TRPA1: variants seen among roughly 807,000 people sequenced by gnomAD.
TRPA1 encodes ankyrin-like with transmembrane domains 1.
A neutral mutation model predicts 131.3 loss-of-function variants in TRPA1; 129 were observed. The ratio of observed to expected loss-of-function variants is 0.98; its 90% CI spans 0.85 to 1.14. The LOEUF is 1.14. Among genes scored for constraint, TRPA1 ranks in the 50% most tolerant of loss-of-function variants. The pLI, the probability that TRPA1 is intolerant of heterozygous loss-of-function variation, is 0.00. For synonymous variants in TRPA1, 441 were observed against 451.7 expected (o/e 0.98, Z 0.30); for missense variants, 1,304 against 1,354.2 (o/e 0.96, Z 0.58).
intron 4 of TRPA1, 53 bp downstream of exon 4, chr8:72,065,398 G>A: frequency 7.6e-7 from 1 of 1,323,998 alleles, no homozygotes; most frequent in Non-Finnish European, 1.1e-6. Flanking sequence ...AATAATCCAT[G>A]TTGTATTCAT....
chr8:72,044,703 T>G (rs571700165), intron 17 of TRPA1, among the ~76,000 whole-genome samples: 1 of 151,964 alleles, frequency 6.6e-6, no homozygotes, highest in Non-Finnish European at 1.5e-5. Flanking sequence ...TGTTCTCTAT[T>G]TGGTGCATCT....
chr8:72,057,858 G>T, intron 8 of TRPA1, 42 bp from the exon 9 acceptor site: 1 of 1,410,232 alleles, frequency 7.1e-7, no homozygotes. Context: ...CTTAGAAACA[G>T]ATAAATCATA....
chr8:72,026,379 G>A (rs1318091241), intron 24 of TRPA1, among the ~76,000 whole-genome samples: 2 of 152,188 alleles, frequency 1.3e-5, no homozygotes, highest in Non-Finnish European at 2.9e-5. Flanking sequence ...ATAGTCACCC[G>A]ATGTTTTATT....
intron 15 of TRPA1, among the ~76,000 whole-genome samples, chr8:72,050,193 G>T (rs538285527): frequency 6.6e-6 from 1 of 152,050 alleles, no homozygotes; most frequent in Admixed American, 6.6e-5. Context: ...AACATGTGGC[G>T]TTTGGTTTTC....
At chr8:72,086,091 TG>T in the TRPA1 span, among the ~76,000 whole-genome samples, 1 of 151,966 alleles carries the variant, frequency 6.6e-6, no homozygotes, top group South Asian at 2.1e-4. Flanking sequence ...TTAGTAGAGA[TG>T]GGGTTTCAAC....
Position 72,026,024 on chromosome 8 carries a change from C to G in TRPA1, c.2987G>C (p.Arg996Pro), listed in dbSNP as rs142468969. ...GATGGTGGATTTCTGATCCACTTTG[C>G]GTAGAAACCAAAGTGGCAGCTTCTT... ...LEKKLPLWFL[R>P]KVDQKSTIVY... Residue 996 changes from arginine to proline, a missense_variant, in exon 25 of 27, where the codon CGC becomes CCC. Coordinates refer to ENST00000262209, the MANE Select transcript of TRPA1 (RefSeq NM_007332.3). 1 of 1,613,942 alleles carries G rather than the reference C, an allele frequency of 6.2e-7. No individual in the cohort carries two copies. Among genetic ancestry groups the G allele is most frequent in the Non-Finnish European group, 8.5e-7 (1 of 1,179,890 alleles).
At chr8:72,045,045 A>ATTTGTTG (rs1812381128) in intron 17 of TRPA1, among the ~76,000 whole-genome samples, 1 of 152,026 alleles carries the variant, frequency 6.6e-6, no homozygotes, top group South Asian at 2.1e-4. Context: ...GAATTAAAAA[A>ATTTGTTG]CACATACATA....
chr8:72,032,020 T>C (rs1192577224), intron 23 of TRPA1, among the ~76,000 whole-genome samples: 2 of 152,148 alleles, frequency 1.3e-5, no homozygotes, highest in Admixed American at 6.5e-5. Context: ...TGGGACGTTT[T>C]TCAGGCAAAA....
intron 14 of TRPA1, among the ~76,000 whole-genome samples, chr8:72,052,159 T>C (rs1805523772): frequency 2.0e-5 from 3 of 152,196 alleles, no homozygotes; most frequent in Admixed American, 6.6e-5. Context: ...CAGTGGCTCA[T>C]GTCTGTAATG....
At chr8:72,062,256 T>C in intron 6 of TRPA1, 1 of 183,568 alleles carries the variant, frequency 5.4e-6, no homozygotes. Flanking sequence ...CTACAGAAAA[T>C]ACAGGCCTTT....
intron 3 of TRPA1, 43 bp downstream of exon 3, chr8:72,068,980 T>A (rs1206805015): frequency 1.2e-6 from 2 of 1,611,126 alleles, no homozygotes; most frequent in South Asian, 1.1e-5. Context: ...TCCCAGCACC[T>A]GCACCGCCGG....
chr8:72,087,360 C>A, the TRPA1 span, among the ~76,000 whole-genome samples: 1 of 152,108 alleles, frequency 6.6e-6, no homozygotes, highest in East Asian at 1.9e-4. Flanking sequence ...GTTTCCATTG[C>A]CCTAAGAGAA....
At chr8:72,068,887 G>A in intron 3 of TRPA1, 136 bp downstream of exon 3, 1 of 896,222 alleles carries the variant, frequency 1.1e-6, no homozygotes, top group Non-Finnish European at 1.8e-6. Flanking sequence ...GAGAAGTAAA[G>A]CAAATGTAAT....
intron 17 of TRPA1, 128 bp from the exon 18 acceptor site, chr8:72,039,925 T>A (rs1443664087): frequency 1.5e-6 from 1 of 672,470 alleles, no homozygotes; most frequent in Non-Finnish European, 2.6e-6. Flanking sequence ...TTTAGAACAT[T>A]GAAAAAAATA....
chr8:72,075,705 G>A, upstream of TRPA1: 2 of 453,754 alleles, frequency 4.4e-6, no homozygotes, highest in Non-Finnish European at 8.2e-6. Context: ...CCTTGGACTC[G>A]CCCCTTCAGG....
In TRPA1 at chr8:72,061,651, A is replaced by C; in HGVS notation, c.918T>G (p.Asp306Glu). Residue 306 changes from aspartate (D) to glutamate (E), a missense_variant, in exon 7 of 27, where the codon GAT becomes GAG. By Grantham distance (45) the Asp-to-Glu change is conservative. Coordinates refer to ENST00000262209, the MANE Select transcript of TRPA1 (RefSeq NM_007332.3). ...TGTGAAGCATGGTCTCATGACATCC[A>C]TCGGTTGTGTTAACAATATCCACGC... ...SGSVDIVNTT[D>E]GCHETMLHRA... The C allele has an allele frequency of 6.2e-7, 1 of 1,614,090 alleles. No homozygotes were observed. The highest frequency in any genetic ancestry group is 1.1e-5 in the South Asian group (1 of 91,086).
chr8:72,059,924 T>C (rs1317065038), intron 7 of TRPA1, among the ~76,000 whole-genome samples: 1 of 152,168 alleles, frequency 6.6e-6, no homozygotes, highest in Non-Finnish European at 1.5e-5. Context: ...AAAATAATTA[T>C]GGAGAGAACT....
chr8:72,059,283 G>T, intron 8 of TRPA1, 107 bp downstream of exon 8: 1 of 766,820 alleles, frequency 1.3e-6, no homozygotes. Flanking sequence ...TTGCTGATAA[G>T]CAAGAAATCA....
intron 20 of TRPA1, 92 bp downstream of exon 20, chr8:72,037,891 G>T: frequency 1.3e-6 from 1 of 769,412 alleles, no homozygotes; most frequent in South Asian, 1.5e-5. Flanking sequence ...ATTTTATTAT[G>T]ACATAATATC....
Sources: allele counts gnomAD v4.1 joint callset (sites outside exome capture counted in the v4.1 genomes callset), GRCh38; gene constraint gnomAD v4.1.1; transcripts MANE v1.5; gene names NCBI Gene and HGNC (gene_info 2026-07-23, HGNC 2026-07-21).